The following AFF2 variants were observed in gnomAD, a reference collection of about 807,000 sequenced individuals.
AFF2 encodes the protein AF4/FMR2 family member 2.
In AFF2, 14 loss-of-function variants were observed where a neutral mutation model predicts 76.9. The ratio of observed to expected loss-of-function variants is 0.18; its 90% confidence interval spans 0.12 to 0.28. AFF2 has a LOEUF of 0.28. AFF2 is among the 10% of genes least tolerant of loss of function. The pLI, the probability that AFF2 is intolerant of heterozygous loss-of-function variation, is 1.00. For synonymous variants in AFF2, 398 were observed against 366.7 expected (o/e 1.09, Z -0.98); for missense variants, 868 against 1,001.1 (o/e 0.87, Z 1.79).
chrX:148,651,851 G>T, intron 1 of AFF2, 148 bp from the exon 2 acceptor site: 1 of 416,369 alleles, frequency 2.4e-6, no homozygotes, highest in Non-Finnish European at 4.1e-6. Flanking sequence ...TAGGTGTAAT[G>T]AAAAGGATTA....
At chrX:148,703,679 G>T (rs1395770989) in intron 3 of AFF2, among the ~76,000 whole-genome samples, 1 of 111,427 alleles carries the variant, frequency 9.0e-6, no homozygotes, top group Non-Finnish European at 1.9e-5. Flanking sequence ...TCACTGTATG[G>T]TTCACAGCCT....
At chrX:148,553,969 A>C (rs2053023116) in intron 1 of AFF2, among the ~76,000 whole-genome samples, 1 of 111,377 alleles carries the variant, frequency 9.0e-6, no homozygotes, top group Admixed American at 9.5e-5. Flanking sequence ...AAGGTACAAC[A>C]TGGAAGTATG....
chrX:148,767,101 A>C (rs1884740165), intron 3 of AFF2, among the ~76,000 whole-genome samples: 1 of 110,658 alleles, frequency 9.0e-6, no homozygotes, highest in Admixed American at 9.7e-5. Flanking sequence ...GTACAGGTAA[A>C]ACAGTTGTTG....
chrX:148,907,928 C>T (rs1046719847), intron 9 of AFF2, among the ~76,000 whole-genome samples: 1 of 110,162 alleles, frequency 9.1e-6, no homozygotes, highest in African/African-American at 3.3e-5. Context: ...CCCAAAGCGA[C>T]CATTTCAGAG....
chrX:148,971,113 C>T (rs911281328), intron 15 of AFF2, among the ~76,000 whole-genome samples: 1 of 107,727 alleles, frequency 9.3e-6, no homozygotes, highest in Admixed American at 1.0e-4. Flanking sequence ...AACCTTAAGC[C>T]GGTAACTTCA....
intron 2 of AFF2, among the ~76,000 whole-genome samples, chrX:148,655,750 G>A (rs967967466): frequency 3.6e-5 from 4 of 111,599 alleles, no homozygotes; most frequent in African/African-American, 9.8e-5. Flanking sequence ...TAGAACTGAT[G>A]TTGCACCTCC....
rs371502289 is a variant in AFF2 at position 148,665,967 on chromosome X, G to C, written c.1041+3199G>C. Among the ~76,000 whole-genome samples, 3 of 111,753 alleles carry C rather than the reference G, an allele frequency of 2.7e-5. No individual in the cohort carries two copies. The East Asian group carries it at 8.4e-4, about 31-fold the overall frequency. ...ATGAGTGTTAGTGAAGTGCATTTGT[G>C]GGGAGGGTGAAGCAGGATGGGTTGA... On this transcript the variant is annotated intron_variant, in intron 3 of 20. Coordinates refer to ENST00000370460, the MANE Select transcript of AFF2 (RefSeq NM_002025.4).
intron 3 of AFF2, among the ~76,000 whole-genome samples, chrX:148,735,558 G>A (rs2055275380): frequency 2.7e-5 from 3 of 111,614 alleles, no homozygotes. Flanking sequence ...TTTCTTTATA[G>A]TAAAAGTAAG....
At chrX:148,674,876 G>A (rs1557259342) in intron 3 of AFF2, among the ~76,000 whole-genome samples, 1 of 112,683 alleles carries the variant, frequency 8.9e-6, no homozygotes, top group East Asian at 2.8e-4. Context: ...ACTTGGGTGT[G>A]GGGAGGTAGA....
At chrX:148,504,724 G>A (rs2052389104) in intron 1 of AFF2, among the ~76,000 whole-genome samples, 1 of 112,800 alleles carries the variant, frequency 8.9e-6, no homozygotes, top group Admixed American at 9.3e-5. Flanking sequence ...TCGACCTTGC[G>A]AGGGCGGGGC....
In AFF2 at chrX:148,953,616, G is replaced by A; in HGVS notation, c.1434G>A (p.Val478=). 1 of 1,211,497 alleles carries A rather than the reference G, an allele frequency of 8.3e-7. No homozygotes were observed. The highest frequency in any genetic ancestry group is 1.8e-5 in the South Asian group (1 of 56,918). ...CCACTCCCCAGCCCCCACCTGCAGT[G>A]CAAGCCAGCGGGGGTTCTGGCAGCT... ...PLATPQPPPA[V]QASGGSGSSS... The change falls in exon 10 of 21, where the codon GTG becomes GTA. Residue 478 remains valine, a synonymous_variant. Transcript: ENST00000370460.
chrX:148,754,784 T>C (rs1440012980), intron 3 of AFF2, among the ~76,000 whole-genome samples: 2 of 111,891 alleles, frequency 1.8e-5, no homozygotes, highest in African/African-American at 6.5e-5. Flanking sequence ...CCTTCTTTCT[T>C]GTTGAGAGAC....
intron 19 of AFF2, among the ~76,000 whole-genome samples, chrX:148,983,965 A>AAAAAAAAAAAAAAC (rs1438744109): frequency 6.0e-5 from 6 of 99,779 alleles, no homozygotes; most frequent in African/African-American, 2.3e-4. Context: ...AAAAAAAAAA[A>AAAAAAAAAAAAAAC]AAACTGCCCT....
chrX:148,895,562 AGTGAGTGAGTGT>A (rs1223453915), intron 8 of AFF2, among the ~76,000 whole-genome samples: 3 of 34,232 alleles, frequency 8.8e-5, no homozygotes, highest in Non-Finnish European at 2.7e-4. Flanking sequence ...GTACTCTGTG[AGTGAGTGAGTGT>A]GTGTGTGTGT....
intron 3 of AFF2, among the ~76,000 whole-genome samples, chrX:148,731,889 A>G (rs1381390650): frequency 6.7e-5 from 5 of 74,705 alleles, no homozygotes; most frequent in Non-Finnish European, 9.5e-5. Context: ...ATCTCACACC[A>G]GTTAGAATGG....
At chrX:148,795,696 G>A (rs1386310126) in intron 3 of AFF2, among the ~76,000 whole-genome samples, 6 of 95,554 alleles carry the variant, frequency 6.3e-5, no homozygotes, top group African/African-American at 1.1e-4. Context: ...CCAGCTACTC[G>A]GGAGGTTGAG....
At chrX:148,735,237 A>T (rs893569825) in intron 3 of AFF2, among the ~76,000 whole-genome samples, 1 of 112,537 alleles carries the variant, frequency 8.9e-6, no homozygotes, top group African/African-American at 3.2e-5. Flanking sequence ...AGATTCTCTG[A>T]TGCACAGTTC....
chrX:148,680,086 A>G (rs782589161), intron 3 of AFF2, among the ~76,000 whole-genome samples: 116 of 112,264 alleles, frequency 1.0e-3, no homozygotes, highest in Middle Eastern at 4.7e-3. Context: ...AAGCAATGTC[A>G]AGGTAAGGTT....
chrX:148,901,197 G>GT (rs2124197801), intron 8 of AFF2, among the ~76,000 whole-genome samples: 1 of 111,492 alleles, frequency 9.0e-6, no homozygotes. Context: ...TAGAACCCAG[G>GT]TTTTTAACAT....
Sources: allele counts gnomAD v4.1 joint callset (sites outside exome capture counted in the v4.1 genomes callset), GRCh38; gene constraint gnomAD v4.1.1; transcripts MANE v1.5; gene names NCBI Gene and HGNC (gene_info 2026-07-23, HGNC 2026-07-21).